The following CDH12 variants were observed in gnomAD, a reference collection of about 807,000 sequenced individuals.
CDH12 encodes cadherin 12, also known as cadherin-12.
A neutral mutation model predicts 74.1 loss-of-function variants in CDH12; 41 were observed. The ratio of observed to expected loss-of-function variants is 0.55; its 90% CI spans 0.43 to 0.72. The LOEUF is 0.72. Ranked by LOEUF, CDH12 falls within the 30% of genes least tolerant of loss-of-function variation. The probability of loss-of-function intolerance (pLI) is 0.00; values close to 1 mark genes in which losing one functional copy is unlikely to be tolerated. For missense variants in CDH12, 945 were observed against 977.2 expected (o/e 0.97, Z 0.44); for synonymous variants, 399 against 355.0 (o/e 1.12, Z -1.39).
intron 3 of CDH12, among the ~76,000 whole-genome samples, chr5:22,331,604 G>A (rs1739355529): frequency 6.6e-6 from 1 of 152,128 alleles, no homozygotes; most frequent in African/African-American, 2.4e-5. Context: ...AGATATTGAT[G>A]AACATCTACA....
intron 4 of CDH12, among the ~76,000 whole-genome samples, chr5:22,181,808 C>A (rs1483884638): frequency 6.6e-6 from 1 of 152,112 alleles, no homozygotes; most frequent in Non-Finnish European, 1.5e-5. Flanking sequence ...TGATCTCTCT[C>A]TCTCTCTTTG....
At chr5:22,256,405 C>T (rs186086975) in intron 3 of CDH12, among the ~76,000 whole-genome samples, 1 of 152,242 alleles carries the variant, frequency 6.6e-6, no homozygotes, top group East Asian at 1.9e-4. Flanking sequence ...GCAAACAAAC[C>T]TACTGCACTG....
intron 1 of CDH12, among the ~76,000 whole-genome samples, chr5:22,651,525 A>G (rs1490915298): frequency 6.6e-6 from 1 of 152,074 alleles, no homozygotes; most frequent in Admixed American, 6.6e-5. Context: ...ATGTCATGAG[A>G]ATTTACTCAC....
intron 11 of CDH12, among the ~76,000 whole-genome samples, chr5:21,768,324 CTCTA>C (rs1434251275): frequency 3.3e-5 from 5 of 151,774 alleles, no homozygotes; most frequent in Non-Finnish European, 5.9e-5. Flanking sequence ...ATCTTCCTCT[CTCTA>C]TCTTTCAATA....
chr5:22,534,070 T>C (rs528714890), intron 1 of CDH12, among the ~76,000 whole-genome samples: 2 of 152,156 alleles, frequency 1.3e-5, no homozygotes, highest in African/African-American at 4.8e-5. Context: ...GTGCTATAAA[T>C]TACTGAATCA....
chr5:22,435,937 C>T (rs541891139), intron 2 of CDH12, among the ~76,000 whole-genome samples: 1 of 151,852 alleles, frequency 6.6e-6, no homozygotes, highest in South Asian at 2.1e-4. Context: ...TTCCCCCCAC[C>T]CATCATGGTG....
At chr5:22,681,224 G>GC (rs1491400834) in intron 1 of CDH12, among the ~76,000 whole-genome samples, 2 of 57,272 alleles carry the variant, frequency 3.5e-5, no homozygotes, top group African/African-American at 1.1e-4. Context: ...CCTGGGTATT[G>GC]GGGGGTGTGT....
intron 1 of CDH12, among the ~76,000 whole-genome samples, chr5:22,513,951 G>GA (rs34448733): frequency 0.18 from 18,144 of 100,360 alleles, 1,891 homozygotes; most frequent in Admixed American, 0.39. Flanking sequence ...TCCGTGTCAG[G>GA]AAAAAAAAAA....
chr5:22,597,750 A>C (rs1168131340), intron 1 of CDH12, among the ~76,000 whole-genome samples: 1 of 152,216 alleles, frequency 6.6e-6, no homozygotes, highest in Non-Finnish European at 1.5e-5. Flanking sequence ...GAGTAAAAAA[A>C]TGTATGAATG....
intron 3 of CDH12, among the ~76,000 whole-genome samples, chr5:22,310,839 A>G (rs1738358572): frequency 6.6e-6 from 1 of 152,126 alleles, no homozygotes; most frequent in Admixed American, 6.5e-5. Flanking sequence ...CTGTCCTGAT[A>G]TTTTATGAAC....
chr5:22,555,263 C>T (rs1738750103), intron 1 of CDH12, among the ~76,000 whole-genome samples: 1 of 151,710 alleles, frequency 6.6e-6, no homozygotes, highest in Admixed American at 6.6e-5. Context: ...ATTAAAAACA[C>T]AACTAGAAAG....
At chr5:22,339,942 AT>A (rs1289227603) in intron 3 of CDH12, among the ~76,000 whole-genome samples, 36 of 152,248 alleles carry the variant, frequency 2.4e-4, no homozygotes, top group African/African-American at 8.7e-4. Flanking sequence ...TATTGCTAAT[AT>A]TTTCCATATA....
rs374803207 is a variant in CDH12, at chr5:22,362,614, A to G, written c.-333+42643T>C. On this transcript the variant is annotated intron_variant, in intron 3 of 14. Transcript: ENST00000382254. Reference sequence around the variant, plus strand: ...CCAAAGGATTATAAATCATGCTGCTATAAAGACACATGCACACATATGTTT... The same window carrying G: ...CCAAAGGATTATAAATCATGCTGCTGTAAAGACACATGCACACATATGTTT... 1.4e-4 allele frequency among the ~76,000 whole-genome samples: 22 copies of G among 152,154 alleles called. No individual in the cohort carries two copies. The East Asian group carries it at 4.1e-3, about 28-fold the overall frequency.
At chr5:22,438,962 T>C (rs1744515191) in intron 2 of CDH12, among the ~76,000 whole-genome samples, 1 of 151,960 alleles carries the variant, frequency 6.6e-6, no homozygotes, top group Non-Finnish European at 1.5e-5. Flanking sequence ...AATTTATCTG[T>C]GCTGATGACA....
chr5:22,461,921 A>G (rs1745543426), intron 2 of CDH12, among the ~76,000 whole-genome samples: 1 of 152,050 alleles, frequency 6.6e-6, no homozygotes, highest in Admixed American at 6.6e-5. Context: ...GAAATTTTTT[A>G]ATGATTGGGA....
At chr5:22,721,628 A>G (rs996340060) in intron 1 of CDH12, among the ~76,000 whole-genome samples, 1 of 152,146 alleles carries the variant, frequency 6.6e-6, no homozygotes, top group African/African-American at 2.4e-5. Context: ...ATGTAAGGAC[A>G]TGAGATTTGA....
intron 1 of CDH12, among the ~76,000 whole-genome samples, chr5:22,712,365 T>C (rs1004398619): frequency 8.5e-5 from 13 of 152,118 alleles, no homozygotes; most frequent in African/African-American, 2.7e-4. Context: ...CATAACTTTA[T>C]AAATTCCTTT....
At chr5:21,754,595 C>T (rs188364422) in intron 14 of CDH12, among the ~76,000 whole-genome samples, 8 of 152,330 alleles carry the variant, frequency 5.3e-5, no homozygotes, top group African/African-American at 1.9e-4. Context: ...GCATGAACTT[C>T]TGACTCAGGG....
At chr5:21,815,842 G>T (rs143136581) in intron 9 of CDH12, among the ~76,000 whole-genome samples, 97 of 152,078 alleles carry the variant, frequency 6.4e-4, no homozygotes, top group African/African-American at 2.2e-3. Flanking sequence ...AGACTGATGG[G>T]GTTAGAGTTA....
Sources: gnomAD v4.1 joint callset for allele counts (sites outside exome capture counted in the v4.1 genomes callset) on GRCh38, gnomAD v4.1.1 for gene constraint, MANE v1.5 for transcripts, NCBI Gene and HGNC (gene_info 2026-07-23, HGNC 2026-07-21) for gene names.